The following ARK2N variants were observed in gnomAD, a reference collection of about 807,000 sequenced individuals.
The protein encoded by ARK2N is protein ARK2N.
the ARK2N span, among the ~76,000 whole-genome samples, chr18:46,259,914 T>G: frequency 6.8e-6 from 1 of 147,178 alleles, no homozygotes; most frequent in Non-Finnish European, 1.5e-5. Context: ...AGAGATGGGG[T>G]TTCACCATGG....
the ARK2N span, among the ~76,000 whole-genome samples, chr18:46,249,556 AC>A: frequency 6.6e-6 from 1 of 152,118 alleles, no homozygotes; most frequent in Non-Finnish European, 1.5e-5. Context: ...CGTAGTGGCT[AC>A]TTCGCTTTTC....
At chr18:46,218,957 C>T in the ARK2N span, 12 of 152,312 alleles carry the variant, frequency 7.9e-5, 1 homozygote, top group East Asian at 2.1e-3. Flanking sequence ...CATTAAGGTA[C>T]AACCAATTTA....
At chr18:46,262,851 G>T in the ARK2N span, 11 of 1,428,704 alleles carry the variant, frequency 7.7e-6, no homozygotes, top group East Asian at 2.5e-4. Flanking sequence ...ATGTTGATAA[G>T]TACAACTGAG....
chr18:46,225,500 G>C, the ARK2N span, among the ~76,000 whole-genome samples: 1 of 151,902 alleles, frequency 6.6e-6, no homozygotes, highest in Non-Finnish European at 1.5e-5. Context: ...GCTTTGTCGC[G>C]CAGGCTGGAG....
chr18:46,249,183 G>T, the ARK2N span, among the ~76,000 whole-genome samples: 190 of 152,102 alleles, frequency 1.2e-3, 1 homozygote, highest in African/African-American at 4.1e-3. Flanking sequence ...CTTCATCCAG[G>T]CTCTCAGCGC....
chr18:46,239,375 T>G, the ARK2N span, among the ~76,000 whole-genome samples: 1 of 152,168 alleles, frequency 6.6e-6, no homozygotes, highest in African/African-American at 2.4e-5. Flanking sequence ...TCATAAGATA[T>G]CCAAAGCAAA....
chr18:46,207,861 A>T, the ARK2N span, among the ~76,000 whole-genome samples: 1 of 152,104 alleles, frequency 6.6e-6, no homozygotes, highest in Admixed American at 6.6e-5. Context: ...TGATTTCAAC[A>T]TTCTTTGGCT....
At chr18:46,185,177 T>C in the ARK2N span, among the ~76,000 whole-genome samples, 1 of 152,202 alleles carries the variant, frequency 6.6e-6, no homozygotes, top group East Asian at 1.9e-4. Context: ...ATATCAGATA[T>C]TGATTATGTG....
the ARK2N span, among the ~76,000 whole-genome samples, chr18:46,175,165 C>A: frequency 7.1e-6 from 1 of 139,978 alleles, no homozygotes. Flanking sequence ...AATTGATGCT[C>A]ACAGGTTGAA....
At chr18:46,180,799 C>T in the ARK2N span, among the ~76,000 whole-genome samples, 1 of 151,992 alleles carries the variant, frequency 6.6e-6, no homozygotes, top group Non-Finnish European at 1.5e-5. Context: ...TTCCTTCCTG[C>T]TCTAAAATGT....
chr18:46,242,567 T>TCCTTCCCTTTGC, the ARK2N span, among the ~76,000 whole-genome samples: 1,379 of 152,312 alleles, frequency 9.1e-3, 42 homozygotes, highest in East Asian at 0.12. Flanking sequence ...TCAGATGTTT[T>TCCTTCCCTTTGC]CCTTCCCTTT....
At chr18:46,179,068 G>A in the ARK2N span, among the ~76,000 whole-genome samples, 18 of 151,592 alleles carry the variant, frequency 1.2e-4, no homozygotes, top group Non-Finnish European at 2.7e-4. Context: ...TCAGCCTCCC[G>A]AGTAGCTGGG....
At chr18:46,249,378 C>T in the ARK2N span, among the ~76,000 whole-genome samples, 13 of 152,042 alleles carry the variant, frequency 8.6e-5, no homozygotes, top group Non-Finnish European at 1.3e-4. Context: ...TACAGGCGCC[C>T]GCCACCACGC....
the ARK2N span, among the ~76,000 whole-genome samples, chr18:46,223,160 T>C: frequency 6.6e-6 from 1 of 152,238 alleles, no homozygotes; most frequent in Non-Finnish European, 1.5e-5. Flanking sequence ...CGATTTCCTG[T>C]CCTATGCTTA....
At chr18:46,176,244 A>G in the ARK2N span, among the ~76,000 whole-genome samples, 28 of 152,292 alleles carry the variant, frequency 1.8e-4, no homozygotes, top group East Asian at 5.0e-3. Flanking sequence ...TGACACGTGC[A>G]TGAACAGACT....
chr18:46,249,533 T>C, the ARK2N span, among the ~76,000 whole-genome samples: 2 of 152,148 alleles, frequency 1.3e-5, no homozygotes, highest in Non-Finnish European at 2.9e-5. Flanking sequence ...CGCCCGGCCT[T>C]GCATTCTTTC....
the ARK2N span, among the ~76,000 whole-genome samples, chr18:46,262,614 A>G: frequency 6.6e-6 from 1 of 152,206 alleles, no homozygotes; most frequent in Admixed American, 6.5e-5. Context: ...CCCTATCATG[A>G]AGATCCCAGA....
At chr18:46,189,085 G>A in the ARK2N span, among the ~76,000 whole-genome samples, 6 of 151,852 alleles carry the variant, frequency 4.0e-5, no homozygotes, top group East Asian at 5.8e-4. Context: ...CGTGGTGGCC[G>A]GTGCCTCTAA....
At chr18:46,179,655 C>T in the ARK2N span, among the ~76,000 whole-genome samples, 8 of 139,758 alleles carry the variant, frequency 5.7e-5, no homozygotes, top group African/African-American at 8.1e-5. Flanking sequence ...GACGGAGTTT[C>T]GCTCTTGTTG....
Sources: gnomAD v4.1 joint callset for allele counts (sites outside exome capture counted in the v4.1 genomes callset) on GRCh38, gnomAD v4.1.1 for gene constraint, MANE v1.5 for transcripts, NCBI Gene and HGNC (gene_info 2026-07-23, HGNC 2026-07-21) for gene names.